Variants in FAM151B observed in about 807,000 individuals in gnomAD.
FAM151B encodes the protein protein FAM151B.
FAM151B carries 24 observed loss-of-function variants against 31.2 expected under a neutral mutation model. The ratio of observed to expected loss-of-function variants is 0.77; its 90% CI spans 0.56 to 1.08. The LOEUF is 1.08. FAM151B is among the 50% of genes least tolerant of loss of function. The pLI, the probability that FAM151B is intolerant of heterozygous loss-of-function variation, is 0.00. For synonymous variants in FAM151B, 105 were observed against 111.4 expected (o/e 0.94, Z 0.36); for missense variants, 293 against 328.6 (o/e 0.89, Z 0.84).
chr5:80,513,778 A>G lies in FAM151B; in HGVS notation c.317+9A>G. 6.3e-7 allele frequency: 1 copy of G among 1,593,466 alleles called. No homozygotes were observed. On this transcript the variant is annotated intron_variant, in intron 3 of 5. Transcript: ENST00000282226. ...AAGCTGGATTTCAAAAGGTATTTGTATAAACACGTTCAATTTTCTGGGAAA... is the reference window on the plus strand; with the variant it reads ...AAGCTGGATTTCAAAAGGTATTTGTGTAAACACGTTCAATTTTCTGGGAAA...
chr5:80,501,315 C>G, intron 1 of FAM151B: 1 of 1,048,844 alleles, frequency 9.5e-7, no homozygotes, highest in Non-Finnish European at 1.4e-6. Flanking sequence ...CCACCGCGCC[C>G]GGCCGAGAGA....
intron 2 of FAM151B, among the ~76,000 whole-genome samples, chr5:80,504,183 T>A (rs1743858312): frequency 6.6e-6 from 1 of 152,254 alleles, no homozygotes; most frequent in South Asian, 2.1e-4. Context: ...TCTCAGGAAA[T>A]GGCACCACAA....
intron 5 of FAM151B, among the ~76,000 whole-genome samples, chr5:80,540,420 ATG>A (rs1211468724): frequency 2.0e-5 from 3 of 152,118 alleles, no homozygotes; most frequent in African/African-American, 7.2e-5. Flanking sequence ...ACTTTTTTCT[ATG>A]TGTTATTTCA....
intron 5 of FAM151B, among the ~76,000 whole-genome samples, chr5:80,538,487 C>CTTTCT (rs1561383867): frequency 1.0e-5 from 1 of 95,478 alleles, no homozygotes; most frequent in African/African-American, 5.4e-5. Context: ...TCTTTCTTTC[C>CTTTCT]TTCCTTCCTT....
chr5:80,538,444 CTTTCT>C (rs1561383473), intron 5 of FAM151B, among the ~76,000 whole-genome samples: 180 of 54,416 alleles, frequency 3.3e-3, no homozygotes, highest in African/African-American at 0.017. Context: ...TTCTTTCTTT[CTTTCT>C]CTTTCTTTCT....
At chr5:80,538,310 A>G (rs1745616475) in intron 5 of FAM151B, among the ~76,000 whole-genome samples, 1 of 151,590 alleles carries the variant, frequency 6.6e-6, no homozygotes, top group Non-Finnish European at 1.5e-5. Flanking sequence ...CTCATGATCC[A>G]CCTGCTTCGG....
At chr5:80,498,462 G>A (rs1367976119) in intron 1 of FAM151B, 1 of 531,326 alleles carries the variant, frequency 1.9e-6, no homozygotes, top group Non-Finnish European at 3.4e-6. Context: ...TTAGGTTTAA[G>A]GTTTTTGGTT....
chr5:80,537,500 T>G, intron 5 of FAM151B, among the ~76,000 whole-genome samples: 1 of 152,208 alleles, frequency 6.6e-6, no homozygotes, highest in East Asian at 1.9e-4. Flanking sequence ...GTCTTTCCAC[T>G]GGACTCCTGG....
At chr5:80,522,278 C>A in intron 5 of FAM151B, 140 bp downstream of exon 5, 1 of 799,422 alleles carries the variant, frequency 1.3e-6, no homozygotes, top group Non-Finnish European at 1.9e-6. Flanking sequence ...GATATAAGCG[C>A]ACAGACTCCC....
At chr5:80,494,518 T>C (rs62365318) in intron 1 of FAM151B, among the ~76,000 whole-genome samples, 3 of 149,682 alleles carry the variant, frequency 2.0e-5, no homozygotes, top group Non-Finnish European at 3.0e-5. Flanking sequence ...CTTTCTTTCT[T>C]TCTTTCTTTT....
chr5:80,506,266 A>G (rs756400687), intron 2 of FAM151B, among the ~76,000 whole-genome samples: 8 of 152,204 alleles, frequency 5.3e-5, no homozygotes, highest in Non-Finnish European at 8.8e-5. Flanking sequence ...GAAGTTTTAT[A>G]TCTTAAAATT....
chr5:80,499,102 TG>T (rs1743650723), intron 1 of FAM151B: 1 of 159,384 alleles, frequency 6.3e-6, no homozygotes, highest in African/African-American at 2.4e-5. Context: ...ATCTCATGCG[TG>T]GGGAATTTGC....
chr5:80,538,957 GTTCTT>G (rs1745738008), intron 5 of FAM151B, among the ~76,000 whole-genome samples: 1 of 142,970 alleles, frequency 7.0e-6, no homozygotes, highest in African/African-American at 2.6e-5. Flanking sequence ...TCTTGGTTCT[GTTCTT>G]TTCTTTGCTT....
chr5:80,494,845 CT>C (rs1485707978), intron 1 of FAM151B, among the ~76,000 whole-genome samples: 2 of 151,508 alleles, frequency 1.3e-5, no homozygotes, highest in African/African-American at 4.9e-5. Flanking sequence ...ATAAAACAGC[CT>C]TCTATTGTAA....
chr5:80,510,148 A>G (rs778073254), intron 2 of FAM151B, among the ~76,000 whole-genome samples: 11 of 152,044 alleles, frequency 7.2e-5, no homozygotes, highest in Non-Finnish European at 1.5e-4. Context: ...GCAGTGCTGT[A>G]TTTTTTTCTG....
At chr5:80,520,424 C>A (rs1176867752) in intron 4 of FAM151B, among the ~76,000 whole-genome samples, 2 of 151,854 alleles carry the variant, frequency 1.3e-5, no homozygotes, top group East Asian at 3.9e-4. Flanking sequence ...GTGGGCGGAT[C>A]ACCTGAAGTC....
intron 5 of FAM151B, among the ~76,000 whole-genome samples, chr5:80,526,742 G>C (rs890209955): frequency 2.0e-5 from 3 of 151,808 alleles, no homozygotes; most frequent in African/African-American, 7.3e-5. Context: ...TTTTATGATG[G>C]TTAATACCTC....
At chr5:80,512,731 A>T (rs1744236553) in intron 2 of FAM151B, among the ~76,000 whole-genome samples, 1 of 151,532 alleles carries the variant, frequency 6.6e-6, no homozygotes, top group South Asian at 2.1e-4. Flanking sequence ...TCGGTGAAGT[A>T]TAATGCTGCT....
At chr5:80,491,175 T>C (rs1008701881) in intron 1 of FAM151B, among the ~76,000 whole-genome samples, 1 of 149,446 alleles carries the variant, frequency 6.7e-6, no homozygotes, top group Non-Finnish European at 1.5e-5. Context: ...AATCTACTCA[T>C]TTAAGAAGTT....
Sources: allele counts gnomAD v4.1 joint callset (sites outside exome capture counted in the v4.1 genomes callset), GRCh38; gene constraint gnomAD v4.1.1; transcripts MANE v1.5; gene names NCBI Gene and HGNC (gene_info 2026-07-23, HGNC 2026-07-21).